The following MEI4 variants were observed in gnomAD, a reference collection of about 807,000 sequenced individuals.
MEI4 encodes the protein meiosis-specific protein MEI4.
In MEI4, 27 loss-of-function variants were observed where a neutral mutation model predicts 31.4. The observed-to-expected ratio is 0.86, with a 90% CI of 0.63 to 1.19. The LOEUF (loss-of-function observed/expected upper bound fraction) is 1.19, where lower values mean the gene tolerates loss of function less well. Among genes scored for constraint, MEI4 ranks in the 50% most tolerant of loss-of-function variants. MEI4 has a pLI of 0.00. For missense variants in MEI4, 329 were observed against 398.9 expected, an observed-to-expected ratio of 0.82 and a Z score of 1.49; for synonymous variants, 122 against 145.4, an observed-to-expected ratio of 0.84 and a Z score of 1.16.
rs1283438984 is a variant in MEI4 at position 77,791,660 on chromosome 6, A to C, written c.768+29995A>C. ...ACTAACCTGCACAATGTGCACATGT[A>C]CCCTAAAACTTAAAGTATAAAAAAA... is the stretch of plus-strand genomic sequence containing the variant. On this transcript the variant is annotated intron_variant, in intron 3 of 4. Coordinates refer to ENST00000684080, the MANE Select transcript of MEI4 (RefSeq NM_001322247.2). Among the ~76,000 whole-genome samples the C allele has an allele frequency of 2.1e-5, 3 of 145,736 alleles. No individual in the cohort carries two copies. The Admixed American group carries it at 2.1e-4, about 10-fold the overall frequency.
At chr6:77,745,536 C>T (rs912291929) in intron 2 of MEI4, among the ~76,000 whole-genome samples, 3 of 152,094 alleles carry the variant, frequency 2.0e-5, no homozygotes, top group Non-Finnish European at 2.9e-5. Context: ...CTTTAATACC[C>T]CACTGTCAAC....
intron 2 of MEI4, among the ~76,000 whole-genome samples, chr6:77,744,381 G>C (rs1025388178): frequency 7.2e-5 from 11 of 152,038 alleles, no homozygotes; most frequent in Admixed American, 5.2e-4. Flanking sequence ...GATGGAAGAT[G>C]AAATGAATGA....
chr6:77,749,899 C>T (rs766086657), intron 2 of MEI4, among the ~76,000 whole-genome samples: 2 of 152,196 alleles, frequency 1.3e-5, no homozygotes, highest in Non-Finnish European at 2.9e-5. Flanking sequence ...AACAGAAGCC[C>T]ACCAGACTAA....
rs912554872 is a variant in MEI4, at chr6:77,924,545, T to C, written c.*1199T>C. 2 of 151,752 alleles carry C rather than the reference T, an allele frequency of 1.3e-5. No individual in the cohort carries two copies. Among genetic ancestry groups the C allele is most frequent in the African/African-American group, 4.8e-5 (2 of 41,344 alleles). The allele number at this position is 151,752 out of a possible 1,614,324, so 9.4% of individuals were successfully genotyped here. A position where few individuals can be genotyped will look rare whatever the true frequency, so the allele number is the denominator to read the frequency against. ...CAGATATATGCAGGTCACTCAAGGA[T>C]CAGCTGATTTGGACTGGACTTGACT... On this transcript the variant is annotated 3_prime_UTR_variant, in exon 5 of 5. Coordinates refer to ENST00000684080, the MANE Select transcript of MEI4 (RefSeq NM_001322247.2).
intron 4 of MEI4, among the ~76,000 whole-genome samples, chr6:77,873,615 C>T (rs1771254583): frequency 6.6e-6 from 1 of 152,136 alleles, no homozygotes; most frequent in Non-Finnish European, 1.5e-5. Flanking sequence ...TGAATTAGAT[C>T]CCATTTGTCA....
chr6:77,670,133 A>G (rs1020976329), intron 1 of MEI4, among the ~76,000 whole-genome samples: 2 of 152,120 alleles, frequency 1.3e-5, no homozygotes, highest in Non-Finnish European at 2.9e-5. Context: ...TTATTCAACT[A>G]TTTATGGGAA....
At chr6:77,819,756 G>C (rs1376138370) in intron 3 of MEI4, among the ~76,000 whole-genome samples, 1 of 152,028 alleles carries the variant, frequency 6.6e-6, no homozygotes, top group Non-Finnish European at 1.5e-5. Flanking sequence ...ATATCACCTA[G>C]ATATATATCT....
intron 2 of MEI4, among the ~76,000 whole-genome samples, chr6:77,711,304 C>A (rs1766460145): frequency 1.3e-5 from 2 of 151,874 alleles, no homozygotes; most frequent in African/African-American, 4.8e-5. Context: ...TGATTTAATT[C>A]TTTCACAAGA....
chr6:77,680,115 C>CAAAAAAAAAA lies in MEI4; in HGVS notation c.-14-10538_-14-10529dup, dbSNP rs1220251759. Reference sequence around the variant, plus strand: ...TGAAACCCCGTCCCTACTAAAAATACAAAAAAAAAAAAAATTAGCTGGGCG... The same window carrying CAAAAAAAAAA: ...TGAAACCCCGTCCCTACTAAAAATACAAAAAAAAAAAAAAAAAAAAAAAATTAGCTGGGCG... On this transcript the variant is annotated intron_variant, in intron 1 of 4. Coordinates refer to ENST00000684080, the MANE Select transcript of MEI4 (RefSeq NM_001322247.2). Among the ~76,000 whole-genome samples the CAAAAAAAAAA allele has an allele frequency of 6.3e-4, 25 of 39,758 alleles. 3 individuals carry two copies. Among genetic ancestry groups the CAAAAAAAAAA allele is most frequent in the African/African-American group, 2.6e-3 (21 of 8,206 alleles). The allele number at this position is 39,758 out of a possible 152,430, so 26.1% of individuals were successfully genotyped here. A position where few individuals can be genotyped will look rare whatever the true frequency, so the allele number is the denominator to read the frequency against.
intron 4 of MEI4, among the ~76,000 whole-genome samples, chr6:77,903,995 T>C (rs1383223843): frequency 6.6e-6 from 1 of 152,168 alleles, no homozygotes; most frequent in Non-Finnish European, 1.5e-5. Flanking sequence ...TAATATATTT[T>C]TTATCCATTC....
chr6:77,739,613 T>A (rs895328037), intron 2 of MEI4, among the ~76,000 whole-genome samples: 19 of 151,960 alleles, frequency 1.3e-4, no homozygotes, highest in African/African-American at 4.6e-4. Flanking sequence ...GGACAAATAC[T>A]TAATGCATGC....
chr6:77,820,566 G>A lies in MEI4; in HGVS notation c.769-8365G>A, dbSNP rs926691453. On this transcript the variant is annotated intron_variant, in intron 3 of 4. Coordinates refer to ENST00000684080, the MANE Select transcript of MEI4 (RefSeq NM_001322247.2). The surrounding 1 kb of genome is among the most constrained non-coding windows in gnomAD (Gnocchi z 4.5). ...CAGTCATGAGCCACTGTGCCCGGCC[G>A]GTTTTCTTTTTTAAATCCCTTTAGT... Among the ~76,000 whole-genome samples, 3 of 151,902 alleles carry A rather than the reference G, an allele frequency of 2.0e-5. No individual in the cohort carries two copies. The highest frequency in any genetic ancestry group is 7.3e-5 in the African/African-American group (3 of 41,370).
chr6:77,698,141 A>G (rs1766105070), intron 2 of MEI4, among the ~76,000 whole-genome samples: 2 of 151,792 alleles, frequency 1.3e-5, no homozygotes, highest in Admixed American at 1.3e-4. Flanking sequence ...CCATCCCTTT[A>G]TTTTGAGCCC....
At chr6:77,738,750 A>G (rs1767319565) in intron 2 of MEI4, among the ~76,000 whole-genome samples, 1 of 152,176 alleles carries the variant, frequency 6.6e-6, no homozygotes, top group Non-Finnish European at 1.5e-5. Context: ...CCTCTCCAGC[A>G]TCTGTTGTTT....
chr6:77,904,930 T>C (rs919008987), intron 4 of MEI4, among the ~76,000 whole-genome samples: 2 of 152,202 alleles, frequency 1.3e-5, no homozygotes, highest in Non-Finnish European at 2.9e-5. Context: ...TTAAGTGATA[T>C]ACATGCCACT....
intron 4 of MEI4, among the ~76,000 whole-genome samples, chr6:77,890,365 A>G (rs1220962513): frequency 1.3e-5 from 2 of 152,182 alleles, no homozygotes; most frequent in African/African-American, 4.8e-5. Flanking sequence ...TGAAACTTTA[A>G]TGACTGATGT....
intron 4 of MEI4, among the ~76,000 whole-genome samples, chr6:77,901,098 T>A (rs1423200092): frequency 6.6e-6 from 1 of 152,068 alleles, no homozygotes; most frequent in Non-Finnish European, 1.5e-5. Flanking sequence ...TAGTACATTT[T>A]CTTCACCTGT....
intron 3 of MEI4, among the ~76,000 whole-genome samples, chr6:77,797,382 A>G (rs1769107292): frequency 6.6e-6 from 1 of 152,184 alleles, no homozygotes; most frequent in Non-Finnish European, 1.5e-5. Context: ...GAAACAATCA[A>G]TAGATTGAAA....
chr6:77,663,030 G>A (rs1363738724), intron 1 of MEI4, among the ~76,000 whole-genome samples: 4 of 152,202 alleles, frequency 2.6e-5, no homozygotes, highest in African/African-American at 9.6e-5. Flanking sequence ...AGTAAAGAAA[G>A]CATGTTTGAG....
Sources: gnomAD v4.1 joint callset for allele counts (sites outside exome capture counted in the v4.1 genomes callset) on GRCh38, gnomAD v4.1.1 for gene constraint, Gnocchi (gnomAD v3.1) non-coding constraint, MANE v1.5 for transcripts, NCBI Gene and HGNC (gene_info 2026-07-23, HGNC 2026-07-21) for gene names.